The following VEPH1 variants were observed in gnomAD, a reference collection of about 807,000 sequenced individuals.
VEPH1 encodes ventricular zone expressed PH domain containing 1, also known as ventricular zone-expressed PH domain-containing protein homolog 1.
A neutral mutation model predicts 85.2 loss-of-function variants in VEPH1; 80 were observed. The observed-to-expected ratio is 0.94, with a 90% CI of 0.78 to 1.13. The LOEUF is 1.13. Ranked by LOEUF, VEPH1 falls within the 50% of genes most tolerant of loss-of-function variation. VEPH1 has a pLI of 0.00. For missense variants in VEPH1, 955 were observed against 980.5 expected, an observed-to-expected ratio of 0.97 and a Z score of 0.35; for synonymous variants, 297 against 348.0, an observed-to-expected ratio of 0.85 and a Z score of 1.63.
At chr3:157,311,082 A>AGT (rs1305730694) in intron 11 of VEPH1, among the ~76,000 whole-genome samples, 2 of 152,246 alleles carry the variant, frequency 1.3e-5, no homozygotes, top group African/African-American at 4.8e-5. Flanking sequence ...TAGAGAGCCT[A>AGT]GTGTGTGCCA....
In VEPH1 at chr3:157,283,202, T is replaced by C. The variant is rs929714166; in HGVS notation, c.2128+3355A>G. On this transcript the variant is annotated intron_variant, in intron 12 of 13. Transcript: ENST00000362010. ...TTGAAATTTCCAATATTTCATGTCC[T>C]TAACTTGAATTTTCCCTACAGGTTG... Among the ~76,000 whole-genome samples, 29 of 152,224 alleles carry C rather than the reference T, an allele frequency of 1.9e-4. 1 individual carries two copies.
intron 9 of VEPH1, among the ~76,000 whole-genome samples, chr3:157,329,158 G>C (rs1257803056): frequency 6.6e-6 from 1 of 152,098 alleles, no homozygotes; most frequent in Non-Finnish European, 1.5e-5. Context: ...TCTGTATGTA[G>C]AGACTTGTTG....
At chr3:157,451,669 A>G (rs1371261604) in intron 4 of VEPH1, among the ~76,000 whole-genome samples, 1 of 152,182 alleles carries the variant, frequency 6.6e-6, no homozygotes, top group Admixed American at 6.5e-5. Context: ...CATATAATAC[A>G]ATTGTTAAAA....
rs369286608 is a variant in VEPH1 at position 157,261,120 on chromosome 3, T to C, written c.*14A>G. On this transcript the variant is annotated 3_prime_UTR_variant, in exon 14 of 14. Coordinates refer to ENST00000362010, the MANE Select transcript of VEPH1 (RefSeq NM_001167912.2). ...GCCTGTGGTGTATAATTGTCATGGC[T>C]GACTTATAAATCCCTACAGATATGT... The C allele has an allele frequency of 3.1e-6, 5 of 1,588,176 alleles. No homozygotes were observed. The highest frequency in any genetic ancestry group is 3.4e-6 in the Non-Finnish European group (4 of 1,171,738).
At chr3:157,289,777 C>T (rs1322773999) in intron 11 of VEPH1, among the ~76,000 whole-genome samples, 2 of 152,274 alleles carry the variant, frequency 1.3e-5, no homozygotes, top group East Asian at 3.9e-4. Context: ...GAATTACAAA[C>T]TTTCTTTAAG....
chr3:157,498,917 C>T (rs1284173062), intron 1 of VEPH1, among the ~76,000 whole-genome samples: 1 of 152,214 alleles, frequency 6.6e-6, no homozygotes, highest in African/African-American at 2.4e-5. Context: ...CATATACACA[C>T]ATGCACATAT....
rs1716918952 is a variant in VEPH1, at chr3:157,287,417, AG to A, written c.2011-744del. Among the ~76,000 whole-genome samples the A allele has an allele frequency of 1.3e-5, 2 of 151,142 alleles. 1 individual carries two copies. The highest frequency in any genetic ancestry group is 4.9e-5 in the African/African-American group (2 of 41,098). The stretch of plus-strand genomic sequence containing the variant: ...ATAATATTTATTATGTTGGCTTTAC[AG>A]GGGGCTGATGGAAAATATGGGGGTG... On this transcript the variant is annotated intron_variant, in intron 11 of 13. Transcript: ENST00000362010.
At chr3:157,485,943 A>G (rs1296510910) in intron 2 of VEPH1, among the ~76,000 whole-genome samples, 3 of 152,200 alleles carry the variant, frequency 2.0e-5, no homozygotes, top group Non-Finnish European at 4.4e-5. Flanking sequence ...TTGTGCATAC[A>G]TAATAAAAAA....
Position 157,480,038 on chromosome 3 carries a change from T to C in VEPH1, c.139-9509A>G, listed in dbSNP as rs529519906. Among the ~76,000 whole-genome samples the C allele has an allele frequency of 3.1e-3, 473 of 151,166 alleles. 1 individual carries two copies. The highest frequency in any genetic ancestry group is 5.3e-3 in the Non-Finnish European group (360 of 67,748). ...TTCTTTTCTCTTTCTTTCATTCTTTTTTTCTTTCTTTCTTTCCTTTTTCTT... is the reference window on the plus strand; with the variant it reads ...TTCTTTTCTCTTTCTTTCATTCTTTCTTTCTTTCTTTCTTTCCTTTTTCTT... On this transcript the variant is annotated intron_variant, in intron 2 of 13. Coordinates refer to ENST00000362010, the MANE Select transcript of VEPH1 (RefSeq NM_001167912.2).
chr3:157,282,072 T>G (rs895453258), intron 12 of VEPH1, among the ~76,000 whole-genome samples: 1 of 152,200 alleles, frequency 6.6e-6, no homozygotes, highest in Non-Finnish European at 1.5e-5. Context: ...CTTTTGACTG[T>G]CTGAAAAAAC....
chr3:157,333,041 T>G (rs1722648916), intron 9 of VEPH1, among the ~76,000 whole-genome samples: 1 of 152,344 alleles, frequency 6.6e-6, no homozygotes, highest in African/African-American at 2.4e-5. Flanking sequence ...AAAGTGTTAT[T>G]GTGGCAATGC....
At chr3:157,345,336 A>G (rs1724091405) in intron 9 of VEPH1, among the ~76,000 whole-genome samples, 1 of 152,220 alleles carries the variant, frequency 6.6e-6, no homozygotes, top group African/African-American at 2.4e-5. Flanking sequence ...TACAAGAAAA[A>G]AACAACCCCA....
At chr3:157,365,767 G>C (rs1577456619) in intron 7 of VEPH1, among the ~76,000 whole-genome samples, 1 of 152,254 alleles carries the variant, frequency 6.6e-6, no homozygotes, top group East Asian at 1.9e-4. Context: ...ATAGGGCAAG[G>C]TATGGGAGAA....
At chr3:157,341,240 A>G (rs1723520349) in intron 9 of VEPH1, among the ~76,000 whole-genome samples, 1 of 152,242 alleles carries the variant, frequency 6.6e-6, no homozygotes, top group Non-Finnish European at 1.5e-5. Context: ...CTAAAGGAGG[A>G]AGCTCAAACC....
In VEPH1 at chr3:157,398,122, A is replaced by G. The variant is rs551500214; in HGVS notation, c.906+15759T>C. 3.3e-5 allele frequency among the ~76,000 whole-genome samples: 5 copies of G among 152,244 alleles called. No homozygotes were observed. In the South Asian group the frequency reaches 1.0e-3, roughly 32 times the overall value. On this transcript the variant is annotated intron_variant, in intron 6 of 13. Transcript: ENST00000362010. ...CCATGGGCATTTAAGCTACTTCTTC[A>G]TGTAACTTATTTGTGTTCTCACAAC...
rs574970090 is a variant in VEPH1 at position 157,320,260 on chromosome 3, A to G, written c.1736-3059T>C. Among the ~76,000 whole-genome samples the G allele has an allele frequency of 2.6e-5, 4 of 152,270 alleles. No homozygotes were observed. The East Asian group carries it at 7.7e-4, about 29-fold the overall frequency. On this transcript the variant is annotated intron_variant, in intron 9 of 13. Transcript: ENST00000362010. ...ATAAGTTGTTTTAAGTTTATGAGAT[A>G]ATGGAGGGACACATAATAATGACTG...
At chr3:157,493,112 C>T in intron 2 of VEPH1, 2 of 381,202 alleles carry the variant, frequency 5.2e-6, no homozygotes, top group Non-Finnish European at 1.0e-5. Context: ...GAGATGCCAT[C>T]AAGGTTTTAT....
intron 12 of VEPH1, among the ~76,000 whole-genome samples, chr3:157,272,825 T>C (rs1714888705): frequency 6.6e-6 from 1 of 152,194 alleles, no homozygotes; most frequent in Non-Finnish European, 1.5e-5. Context: ...AATAAGCAGA[T>C]GTTGTCATTC....
intron 4 of VEPH1, chr3:157,443,154 G>C: frequency 1.4e-6 from 1 of 739,404 alleles, no homozygotes; most frequent in East Asian, 2.8e-5. Context: ...TTGAAGGAAA[G>C]ACATTGGAAA....
Sources: gnomAD v4.1 joint callset for allele counts (sites outside exome capture counted in the v4.1 genomes callset) on GRCh38, gnomAD v4.1.1 for gene constraint, MANE v1.5 for transcripts, NCBI Gene and HGNC (gene_info 2026-07-23, HGNC 2026-07-21) for gene names.